Variants in NOL4L observed in about 807,000 individuals in gnomAD.
NOL4L encodes nucleolar protein 4 like, also known as nucleolar protein 4-like.
Under a neutral mutation model 64.5 loss-of-function variants are expected in NOL4L, and 7 were observed. That is an observed-to-expected ratio of 0.11 (90% CI 0.06 to 0.20). The LOEUF is 0.20. Among genes scored for constraint, NOL4L ranks in the 10% least tolerant of loss-of-function variants. The probability of loss-of-function intolerance (pLI) is 1.00; values close to 1 mark genes in which losing one functional copy is unlikely to be tolerated. For synonymous variants in NOL4L, 413 were observed against 401.0 expected, an observed-to-expected ratio of 1.03 and a Z score of -0.36; for missense variants, 680 against 967.1, an observed-to-expected ratio of 0.70 and a Z score of 3.94.
chr20:32,540,036 G>A (rs2018625542), intron 1 of NOL4L, among the ~76,000 whole-genome samples: 1 of 152,230 alleles, frequency 6.6e-6, no homozygotes, highest in African/African-American at 2.4e-5. Context: ...GCACAGAGCA[G>A]TCTCTGGTGG....
chr20:32,546,908 A>G (rs764093716), intron 1 of NOL4L, among the ~76,000 whole-genome samples: 2 of 152,216 alleles, frequency 1.3e-5, no homozygotes, highest in Non-Finnish European at 2.9e-5. Context: ...AGAGCTGACC[A>G]CAAAGTAGGT....
In NOL4L at chr20:32,453,748, C is replaced by T. The variant is rs1160128409; in HGVS notation, c.1133G>A (p.Ser378Asn). The T allele has an allele frequency of 6.4e-7, 1 of 1,553,354 alleles. No homozygotes were observed. The highest frequency in any genetic ancestry group is 1.4e-5 in the African/African-American group (1 of 73,222). ...CTTGATGGAATCGTAGCTCCCAGAG[C>T]TGTAGGGGGGGGACTAAAAGGAGGG... ...VKTTPESPPY[S>N]SGSYDSIKTE... Residue 378 changes from serine (S) to asparagine (N), a missense_variant, in exon 7 of 11, where the codon AGC becomes AAC. Around this residue, in one of 4 missense-constraint regions of NOL4L, gnomAD observed 254 missense variants for 238.7 expected, o/e 1.06. Coordinates refer to ENST00000621426, the MANE Select transcript of NOL4L (RefSeq NM_001256798.2). The surrounding 1 kb of genome is among the most constrained non-coding windows in gnomAD (Gnocchi z 5.6).
chr20:32,566,504 T>A (rs1206873847), intron 1 of NOL4L, among the ~76,000 whole-genome samples: 1 of 152,148 alleles, frequency 6.6e-6, no homozygotes, highest in Non-Finnish European at 1.5e-5. Flanking sequence ...GAGTAAAATG[T>A]GGTCTTTTGA....
chr20:32,544,449 C>T (rs555938037), intron 1 of NOL4L, among the ~76,000 whole-genome samples: 37 of 152,200 alleles, frequency 2.4e-4, no homozygotes, highest in African/African-American at 8.4e-4. Flanking sequence ...CACCTCCCTG[C>T]GCCAGGCTAA....
At chr20:32,511,131 G>A in intron 4 of NOL4L, 1 of 422,862 alleles carries the variant, frequency 2.4e-6, no homozygotes, top group Non-Finnish European at 4.2e-6. Context: ...TTTTCTCCCT[G>A]AAGACCTGCA....
chr20:32,483,604 G>C, intron 4 of NOL4L: 1 of 668,332 alleles, frequency 1.5e-6, no homozygotes, highest in Non-Finnish European at 1.8e-6. Context: ...GAAGGGGGAG[G>C]GGGCACCGGG....
At chr20:32,559,380 A>C (rs999295735) in intron 1 of NOL4L, among the ~76,000 whole-genome samples, 2 of 152,198 alleles carry the variant, frequency 1.3e-5, no homozygotes, top group African/African-American at 4.8e-5. Context: ...GTAGGTACTC[A>C]GCAGATATTT....
intron 4 of NOL4L, 32 bp from the exon 5 acceptor site, chr20:32,474,774 C>T (rs2015273208): frequency 1.3e-6 from 2 of 1,567,500 alleles, no homozygotes; most frequent in African/African-American, 2.7e-5. Context: ...GGGCATTCAG[C>T]AGGGACGGGC....
intron 1 of NOL4L, among the ~76,000 whole-genome samples, chr20:32,545,110 G>C (rs569160127): frequency 6.6e-6 from 1 of 152,166 alleles, no homozygotes; most frequent in African/African-American, 2.4e-5. Flanking sequence ...GTTTGTTGCT[G>C]ATACTTAAAA....
intron 1 of NOL4L, chr20:32,582,010 T>C (rs915781086): frequency 7.9e-5 from 12 of 152,204 alleles, no homozygotes; most frequent in South Asian, 4.1e-4. Context: ...TTTGTTCCTC[T>C]TGGATCAGTG....
At chr20:32,524,502 C>T (rs117020200) in intron 2 of NOL4L, among the ~76,000 whole-genome samples, 118 of 152,332 alleles carry the variant, frequency 7.7e-4, no homozygotes, top group Non-Finnish European at 9.7e-4. Flanking sequence ...TCTGCCACCG[C>T]CCTGCCAGTC....
intron 1 of NOL4L, among the ~76,000 whole-genome samples, chr20:32,539,772 G>T (rs2018620794): frequency 1.3e-5 from 2 of 152,194 alleles, no homozygotes; most frequent in Admixed American, 1.3e-4. Flanking sequence ...GGTGGACAAT[G>T]AGCTCTGTCT....
In NOL4L at chr20:32,445,451, T is replaced by C. The variant is rs1229985003; in HGVS notation, c.*2145A>G. ...GGAATTCTAGGGTGGCGATTGTCTCTGCCAGGTTTTAACATTAAGATTTTC... is the reference window on the plus strand; with the variant it reads ...GGAATTCTAGGGTGGCGATTGTCTCCGCCAGGTTTTAACATTAAGATTTTC... On this transcript the variant is annotated 3_prime_UTR_variant, in exon 11 of 11. Transcript: ENST00000621426. The C allele has an allele frequency of 1.3e-5, 2 of 150,738 alleles. No individual in the cohort carries two copies. Among genetic ancestry groups the C allele is most frequent in the Admixed American group, 6.5e-5 (1 of 15,270 alleles). The allele number at this position is 150,738 out of a possible 1,614,324, so 9.3% of individuals were successfully genotyped here.
At position 32,444,802 on chromosome 20, in the gene NOL4L, GGA is replaced by G. The variant is rs1294786210; in HGVS notation, c.*2792_*2793del. ...TTCAGAAGATTTTTAAATGGCTGTG[GGA>G]CAAGGGCTTTGGGAGCTCCTTTTGG... On this transcript the variant is annotated 3_prime_UTR_variant, in exon 11 of 11. Coordinates refer to ENST00000621426, the MANE Select transcript of NOL4L (RefSeq NM_001256798.2). The G allele has an allele frequency of 6.6e-6, 1 of 152,234 alleles. No individual in the cohort carries two copies. The highest frequency in any genetic ancestry group is 6.5e-5 in the Admixed American group (1 of 15,276). The allele number at this position is 152,234 out of a possible 1,614,324, so 9.4% of individuals were successfully genotyped here.
At chr20:32,505,693 G>C (rs1297505132) in intron 4 of NOL4L, among the ~76,000 whole-genome samples, 2 of 152,240 alleles carry the variant, frequency 1.3e-5, no homozygotes, top group Non-Finnish European at 2.9e-5. Flanking sequence ...TCCAGCCTGG[G>C]TGACAGAGTG....
chr20:32,470,830 G>A (rs2014958591), intron 5 of NOL4L, among the ~76,000 whole-genome samples: 1 of 151,738 alleles, frequency 6.6e-6, no homozygotes, highest in African/African-American at 2.4e-5. Flanking sequence ...CCATCTTCTG[G>A]GGACCCTCAC....
At chr20:32,537,030 C>G in intron 1 of NOL4L, 1 of 983,160 alleles carries the variant, frequency 1.0e-6, no homozygotes, top group Non-Finnish European at 1.2e-6. Context: ...CCGGCCCCGC[C>G]AACCGGCTCC....
chr20:32,448,007 G>T (rs1600611884), intron 10 of NOL4L, among the ~76,000 whole-genome samples, 191 bp from the exon 11 acceptor site: 1 of 152,200 alleles, frequency 6.6e-6, no homozygotes, highest in East Asian at 1.9e-4. Context: ...GGGCGACAGG[G>T]TTCTCAGAGA....
chr20:32,574,616 G>A (rs557803609), intron 1 of NOL4L, among the ~76,000 whole-genome samples: 1 of 152,262 alleles, frequency 6.6e-6, no homozygotes, highest in East Asian at 1.9e-4. Context: ...AGGGCCCCAT[G>A]TCTCCTTGAA....
Sources: allele counts gnomAD v4.1 joint callset (sites outside exome capture counted in the v4.1 genomes callset), GRCh38; gene constraint gnomAD v4.1.1; regional missense constraint gnomAD v4.1.1; non-coding constraint Gnocchi (gnomAD v3.1); transcripts MANE v1.5; gene names NCBI Gene and HGNC (gene_info 2026-07-23, HGNC 2026-07-21).